Variants in MYOF observed in about 807,000 individuals in gnomAD.
MYOF encodes myoferlin.
MYOF carries 244 observed loss-of-function variants against 284.2 expected under a neutral mutation model. The ratio of observed to expected loss-of-function variants is 0.86; its 90% CI spans 0.77 to 0.95. The LOEUF is 0.95. Among genes scored for constraint, MYOF ranks in the 40% least tolerant of loss-of-function variants. The probability of loss-of-function intolerance (pLI) is 0.00; values close to 1 mark genes in which losing one functional copy is unlikely to be tolerated. For missense variants in MYOF, 2,496 were observed against 2,560.6 expected (o/e 0.97, Z 0.54); for synonymous variants, 904 against 919.7 (o/e 0.98, Z 0.31).
intron 2 of MYOF, among the ~76,000 whole-genome samples, chr10:93,456,560 TG>T (rs1646768814): frequency 2.0e-5 from 3 of 152,190 alleles, no homozygotes; most frequent in Admixed American, 6.6e-5. Flanking sequence ...ATCCCACCCT[TG>T]CTCTGCACAT....
At chr10:93,347,935 G>A (rs548330950) in intron 36 of MYOF, among the ~76,000 whole-genome samples, 153 bp from the exon 37 acceptor site, 5 of 152,330 alleles carry the variant, frequency 3.3e-5, no homozygotes, top group African/African-American at 7.2e-5. Flanking sequence ...AAGGAGCTCC[G>A]TGCTTAAGAG....
At chr10:93,401,812 T>C (rs1024971722) in intron 11 of MYOF, among the ~76,000 whole-genome samples, 1 of 84,704 alleles carries the variant, frequency 1.2e-5, no homozygotes, top group African/African-American at 3.2e-5. Context: ...TGTGTGTGTG[T>C]GTGTGTGTGT....
intron 50 of MYOF, among the ~76,000 whole-genome samples, chr10:93,313,621 C>T (rs547265973): frequency 9.2e-5 from 14 of 152,134 alleles, no homozygotes; most frequent in African/African-American, 3.1e-4. Context: ...AGGATGCTGG[C>T]TGGGCAAAGT....
At chr10:93,359,741 A>G in intron 29 of MYOF, 92 bp downstream of exon 29, 1 of 1,548,148 alleles carries the variant, frequency 6.5e-7, no homozygotes, top group Non-Finnish European at 8.8e-7. Flanking sequence ...TGGATTTGCA[A>G]ATAATTTCTG....
At chr10:93,347,927 G>A in intron 36 of MYOF, 145 bp from the exon 37 acceptor site, 1 of 804,140 alleles carries the variant, frequency 1.2e-6, no homozygotes, top group Non-Finnish European at 1.9e-6. Flanking sequence ...TGCCAGGCAA[G>A]GAGCTCCGTG....
At chr10:93,447,219 T>C (rs1310629294) in intron 3 of MYOF, among the ~76,000 whole-genome samples, 3 of 152,200 alleles carry the variant, frequency 2.0e-5, no homozygotes, top group African/African-American at 7.2e-5. Context: ...CTTGTGATAC[T>C]CTACCTTGTT....
intron 48 of MYOF, 137 bp from the exon 49 acceptor site, chr10:93,320,150 G>T: frequency 2.9e-6 from 3 of 1,027,794 alleles, no homozygotes; most frequent in Non-Finnish European, 4.2e-6. Context: ...TATCTTCGGA[G>T]CTGGGGGTGA....
In MYOF at chr10:93,397,301, G is replaced by A. The variant is rs141910418; in HGVS notation, c.1291-11C>T. 34,069 of 1,599,916 alleles carry A rather than the reference G, an allele frequency of 0.021. 498 individuals carry two copies. The highest frequency in any genetic ancestry group is 0.026 in the Non-Finnish European group (31,008 of 1,170,726). ...ACACACTGAAGGAAACTAAAAAAAT[G>A]AGACAGAAAAAAGTAGTTATTTCTC... On this transcript the variant is annotated splice_polypyrimidine_tract_variant and intron_variant, in intron 14 of 53. Transcript: ENST00000359263.
chr10:93,343,191 C>T (rs1844009139), intron 38 of MYOF, among the ~76,000 whole-genome samples: 2 of 152,090 alleles, frequency 1.3e-5, no homozygotes, highest in African/African-American at 2.4e-5. Flanking sequence ...TTTGGTGTTT[C>T]CTTTTTTCTG....
intron 19 of MYOF, among the ~76,000 whole-genome samples, chr10:93,382,435 T>A (rs1846168994): frequency 6.6e-6 from 1 of 152,192 alleles, no homozygotes; most frequent in Non-Finnish European, 1.5e-5. Flanking sequence ...ACAATAAAGA[T>A]TTTCATGTCA....
chr10:93,463,394 A>AT (rs1554872325), intron 1 of MYOF, among the ~76,000 whole-genome samples: 4,556 of 79,018 alleles, frequency 0.058, 143 homozygotes, highest in Middle Eastern at 0.071. Context: ...GTCTCTACAA[A>AT]TTTTTTTTTT....
intron 2 of MYOF, among the ~76,000 whole-genome samples, chr10:93,454,833 G>C (rs935814892): frequency 1.3e-5 from 2 of 151,748 alleles, no homozygotes; most frequent in African/African-American, 4.8e-5. Flanking sequence ...TTTAAAATTA[G>C]CTGGGCATGG....
intron 1 of MYOF, among the ~76,000 whole-genome samples, chr10:93,465,722 C>T (rs982873642): frequency 1.3e-5 from 2 of 151,916 alleles, no homozygotes; most frequent in African/African-American, 4.8e-5. Context: ...ACCATGTTGG[C>T]CAGGCTGGTC....
At chr10:93,392,689 C>T (rs879035519) in intron 17 of MYOF, among the ~76,000 whole-genome samples, 17 of 152,130 alleles carry the variant, frequency 1.1e-4, no homozygotes, top group Non-Finnish European at 1.8e-4. Flanking sequence ...CGATGGTGTG[C>T]ATTTAGCTGA....
At chr10:93,367,102 C>CA (rs1267536553) in intron 25 of MYOF, among the ~76,000 whole-genome samples, 1 of 152,164 alleles carries the variant, frequency 6.6e-6, no homozygotes, top group Non-Finnish European at 1.5e-5. Context: ...CTTTAATACC[C>CA]AGCCCTTATT....
chr10:93,387,808 G>T lies in MYOF; in HGVS notation c.1687C>A (p.Leu563Met). The T allele has an allele frequency of 6.2e-7, 1 of 1,613,532 alleles. No homozygotes were observed. Among genetic ancestry groups the T allele is most frequent in the Non-Finnish European group, 8.5e-7 (1 of 1,179,512 alleles). The change falls in exon 19 of 54, where the codon CTG becomes ATG. Residue 563 changes from leucine (L) to methionine (M), a missense_variant. Transcript: ENST00000359263. The stretch of plus-strand genomic sequence containing the variant: ...ACTTTAACATTTACCTCAACAACCA[G>T]CAGGTCATCATTTGAAATGGGCTCA... ...KLEPISNDDL[L>M]VVEKYQRRRK...
intron 23 of MYOF, among the ~76,000 whole-genome samples, chr10:93,374,164 A>C (rs1845728848): frequency 1.3e-5 from 2 of 152,276 alleles, no homozygotes; most frequent in Admixed American, 1.3e-4. Flanking sequence ...TTCCACCTTC[A>C]TCCATGTCCC....
rs750996223 is a variant in MYOF, at chr10:93,397,292, TA to T, written c.1291-3del. On this transcript the variant is annotated splice_polypyrimidine_tract_variant and splice_region_variant and intron_variant, in intron 14 of 53. Coordinates refer to ENST00000359263, the MANE Select transcript of MYOF (RefSeq NM_013451.4). ...TATTTTTTCACACACTGAAGGAAAC[TA>T]AAAAAATGAGACAGAAAAAAGTAGT... 1.2e-6 allele frequency: 2 copies of T among 1,602,438 alleles called. No homozygotes were observed. The highest frequency in any genetic ancestry group is 2.2e-5 in the East Asian group (1 of 44,716).
chr10:93,330,069 G>C (rs1049873824), intron 43 of MYOF, among the ~76,000 whole-genome samples: 6 of 152,158 alleles, frequency 3.9e-5, no homozygotes, highest in African/African-American at 1.4e-4. Flanking sequence ...TAAATGCCTA[G>C]CTTCAAATCC....
Sources: gnomAD v4.1 joint callset for allele counts (sites outside exome capture counted in the v4.1 genomes callset) on GRCh38, gnomAD v4.1.1 for gene constraint, MANE v1.5 for transcripts, NCBI Gene and HGNC (gene_info 2026-07-23, HGNC 2026-07-21) for gene names.